SASS6: variants seen among roughly 807,000 people sequenced by gnomAD.
SASS6 encodes spindle assembly abnormal protein 6 homolog.
A neutral mutation model predicts 94.9 loss-of-function variants in SASS6; 59 were observed. That is an observed-to-expected ratio of 0.62 (90% CI 0.50 to 0.77). SASS6 has a LOEUF of 0.77. Among genes scored for constraint, SASS6 ranks in the 30% least tolerant of loss-of-function variants. The pLI is 0.00. For synonymous variants in SASS6, 264 were observed against 270.0 expected, an observed-to-expected ratio of 0.98 and a Z score of 0.22; for missense variants, 698 against 734.1, an observed-to-expected ratio of 0.95 and a Z score of 0.57.
At position 100,132,877 on chromosome 1, in the gene SASS6, C is replaced by T. The variant is rs1012009788; in HGVS notation, c.-63G>A. 2.1e-6 allele frequency: 3 copies of T among 1,452,240 alleles called. No homozygotes were observed. The highest frequency in any genetic ancestry group is 2.9e-6 in the Non-Finnish European group (3 of 1,034,676). 90.0% of individuals were successfully genotyped at this position (1,452,240 alleles called of 1,614,324 possible). On this transcript the variant is annotated 5_prime_UTR_variant, in exon 1 of 17. Coordinates refer to ENST00000287482, the MANE Select transcript of SASS6 (RefSeq NM_194292.3). ...AACAGGCCCGGCCCTCGGGATTAGC[C>T]TGAGAGGTCCGGGTCCTGATAAAGT...
chr1:100,108,859 G>A (rs985094709), intron 8 of SASS6, among the ~76,000 whole-genome samples: 5 of 151,754 alleles, frequency 3.3e-5, no homozygotes, highest in African/African-American at 4.8e-5. Context: ...AAATCCTTAC[G>A]TAAATTGCCT....
At chr1:100,106,760 G>C (rs112042628) in intron 12 of SASS6, 152 bp downstream of exon 12, 487 of 517,526 alleles carry the variant, frequency 9.4e-4, no homozygotes, top group African/African-American at 9.1e-3. Context: ...GGGCTGAGGC[G>C]GGAGGATAAC....
At chr1:100,131,534 C>T (rs1356362852) in intron 1 of SASS6, among the ~76,000 whole-genome samples, 1 of 152,120 alleles carries the variant, frequency 6.6e-6, no homozygotes, top group African/African-American at 2.4e-5. Flanking sequence ...ATCCAACGTG[C>T]ATTTTCATAT....
At chr1:100,123,395 T>C (rs1002326301) in intron 2 of SASS6, 106 bp from the exon 3 acceptor site, 2 of 566,478 alleles carry the variant, frequency 3.5e-6, no homozygotes, top group Admixed American at 7.2e-5. Flanking sequence ...ATCATAGTTA[T>C]ATTGCAGACA....
rs753924600 is a variant in SASS6 at position 100,103,100 on chromosome 1, A to G, written c.1546-17T>C. 7 of 1,464,618 alleles carry G rather than the reference A, an allele frequency of 4.8e-6. No individual in the cohort carries two copies. Among genetic ancestry groups the G allele is most frequent in the South Asian group, 2.4e-5 (2 of 83,286 alleles). 90.7% of individuals were successfully genotyped at this position (1,464,618 alleles called of 1,614,324 possible). On this transcript the variant is annotated splice_polypyrimidine_tract_variant and intron_variant, in intron 13 of 16. Coordinates refer to ENST00000287482, the MANE Select transcript of SASS6 (RefSeq NM_194292.3). ...ACCATCAACCTAAAAATAAAAACAT[A>G]AAGATGATTAAAGATGATAAATTAA...
Position 100,099,798 on chromosome 1 carries a change from C to T in SASS6, c.1674+3157G>A, listed in dbSNP as rs376265904. Reference sequence around the variant, plus strand: ...TTTTGTAGTTCATGACCATTGTGTACGGCATTTCCAGACTTTGTTTTTTGG... The same window carrying T: ...TTTTGTAGTTCATGACCATTGTGTATGGCATTTCCAGACTTTGTTTTTTGG... On this transcript the variant is annotated intron_variant, in intron 14 of 16. Coordinates refer to ENST00000287482, the MANE Select transcript of SASS6 (RefSeq NM_194292.3). Among the ~76,000 whole-genome samples, 22 of 152,262 alleles carry T rather than the reference C, an allele frequency of 1.4e-4. No individual in the cohort carries two copies. In the East Asian group the frequency reaches 3.5e-3, roughly 24 times the overall value.
chr1:100,098,569 C>A (rs1652256544), intron 14 of SASS6, among the ~76,000 whole-genome samples: 1 of 151,598 alleles, frequency 6.6e-6, no homozygotes, highest in Non-Finnish European at 1.5e-5. Context: ...ATGCCTTTGA[C>A]ACAGTTACTT....
chr1:100,132,927 G>T lies in SASS6; in HGVS notation c.-113C>A. 9.0e-7 allele frequency: 1 copy of T among 1,113,466 alleles called. No individual in the cohort carries two copies. Among genetic ancestry groups the T allele is most frequent in the Non-Finnish European group, 1.3e-6 (1 of 749,920 alleles). The allele number at this position is 1,113,466 out of a possible 1,614,324, so 69.0% of individuals were successfully genotyped here. ...TTTGAGTTTGGCGCTCGGCTTCTGC[G>T]GAGGAGGCGGGGAGGGAGAAACGAG... is the stretch of plus-strand genomic sequence containing the variant. On this transcript the variant is annotated 5_prime_UTR_variant, in exon 1 of 17. Coordinates refer to ENST00000287482, the MANE Select transcript of SASS6 (RefSeq NM_194292.3).
chr1:100,123,171 T>G (rs1262920668), intron 3 of SASS6, 39 bp downstream of exon 3: 1 of 847,612 alleles, frequency 1.2e-6, no homozygotes, highest in Non-Finnish European at 1.9e-6. Flanking sequence ...AGAAACTTAT[T>G]TTTTCACTAA....
chr1:100,088,769 G>T (rs1229421956), intron 14 of SASS6, among the ~76,000 whole-genome samples: 2 of 151,626 alleles, frequency 1.3e-5, no homozygotes, highest in East Asian at 3.9e-4. Context: ...CTGGAGTTTG[G>T]GGTTACAGTG....
At chr1:100,119,448 T>A (rs1654014529) in intron 6 of SASS6, among the ~76,000 whole-genome samples, 1 of 152,208 alleles carries the variant, frequency 6.6e-6, no homozygotes, top group Admixed American at 6.5e-5. Context: ...TAAGGAATAG[T>A]TCACTTACAT....
chr1:100,106,152 T>C lies in SASS6; in HGVS notation c.1409-249A>G, dbSNP rs570126. Reference sequence around the variant, plus strand: ...TATTTCTGCTAGTCAAGCAACTCTTTGAAAGATTTCACTTCTAGAATATCT... The same window carrying C: ...TATTTCTGCTAGTCAAGCAACTCTTCGAAAGATTTCACTTCTAGAATATCT... On this transcript the variant is annotated intron_variant, in intron 12 of 16. Transcript: ENST00000287482. 0.085 allele frequency among the ~76,000 whole-genome samples: 12,908 copies of C among 152,222 alleles called. 896 individuals are homozygous for C. Among genetic ancestry groups the C allele is most frequent in the African/African-American group, 0.19 (8,041 of 41,536 alleles).
chr1:100,103,145 A>G, intron 13 of SASS6, 62 bp from the exon 14 acceptor site: 2 of 1,071,478 alleles, frequency 1.9e-6, no homozygotes, highest in Admixed American at 4.7e-5. Flanking sequence ...GTATTTGTTG[A>G]TCAGGTGGCA....
At chr1:100,112,230 G>C (rs964365431) in intron 7 of SASS6, among the ~76,000 whole-genome samples, 1 of 152,086 alleles carries the variant, frequency 6.6e-6, no homozygotes, top group African/African-American at 2.4e-5. Context: ...GCACACAGTA[G>C]TTTTGGAAGA....
intron 4 of SASS6, 63 bp downstream of exon 4, chr1:100,122,317 G>A: frequency 1.4e-6 from 1 of 730,704 alleles, no homozygotes. Flanking sequence ...CCATCAACTT[G>A]TGTTTCAAAG....
chr1:100,112,489 T>A (rs1030246988), intron 7 of SASS6, among the ~76,000 whole-genome samples: 5 of 151,854 alleles, frequency 3.3e-5, no homozygotes, highest in African/African-American at 1.2e-4. Flanking sequence ...TAAATGGAGG[T>A]ATAAAGAAAA....
intron 14 of SASS6, among the ~76,000 whole-genome samples, chr1:100,098,567 GAC>G (rs909359877): frequency 4.6e-5 from 7 of 151,254 alleles, no homozygotes; most frequent in African/African-American, 1.7e-4. Flanking sequence ...AAATGCCTTT[GAC>G]ACAGTTACTT....
chr1:100,115,259 A>G (rs1653690544), intron 7 of SASS6, among the ~76,000 whole-genome samples: 2 of 152,212 alleles, frequency 1.3e-5, no homozygotes, highest in African/African-American at 4.8e-5. Flanking sequence ...ATAAACAATT[A>G]TAAATTTAAC....
rs763067017 is a variant in SASS6 at position 100,085,386 on chromosome 1, G to C, written c.1916C>G (p.Pro639Arg). 1 of 1,613,744 alleles carries C rather than the reference G, an allele frequency of 6.2e-7. No individual in the cohort carries two copies. The highest frequency in any genetic ancestry group is 2.2e-5 in the East Asian group (1 of 44,864). The change falls in exon 17 of 17, where the codon CCC (proline) becomes CGC (arginine). Residue 639 changes from proline to arginine, a missense_variant. Coordinates refer to ENST00000287482, the MANE Select transcript of SASS6 (RefSeq NM_194292.3). ...TLGALHTSSK[P>R]TALPSASSAY... ...TGAAGACGCAGAGGGGAGCGCTGTG[G>C]GTTTGGAAGATGTATGTAATGCTCC...
Sources: gnomAD v4.1 joint callset for allele counts (sites outside exome capture counted in the v4.1 genomes callset) on GRCh38, gnomAD v4.1.1 for gene constraint, MANE v1.5 for transcripts, NCBI Gene and HGNC (gene_info 2026-07-23, HGNC 2026-07-21) for gene names.